CHIA: variants seen among roughly 807,000 people sequenced by gnomAD.
CHIA encodes acidic mammalian chitinase.
Under a neutral mutation model 53.5 loss-of-function variants are expected in CHIA, and 47 were observed. The observed-to-expected ratio is 0.88, with a 90% CI of 0.70 to 1.12. The LOEUF is 1.12. Among genes scored for constraint, CHIA ranks in the 50% most tolerant of loss-of-function variants. CHIA has a pLI of 0.00. For synonymous variants in CHIA, 268 were observed against 222.2 expected (o/e 1.21, Z -1.83); for missense variants, 652 against 592.2 (o/e 1.10, Z -1.05).
intron 3 of CHIA, 72 bp downstream of exon 3, chr1:111,311,790 C>T (rs372474195): frequency 2.9e-4 from 432 of 1,511,334 alleles, no homozygotes; most frequent in Non-Finnish European, 3.6e-4. Flanking sequence ...GAAAGAGAGC[C>T]GCTGTTTGCT....
chr1:111,315,516 A>C, intron 6 of CHIA, 81 bp downstream of exon 6: 3 of 1,420,766 alleles, frequency 2.1e-6, no homozygotes, highest in Non-Finnish European at 2.8e-6. Flanking sequence ...CTCTAGGGTA[A>C]AACAAAACTT....
chr1:111,307,203 G>A (rs1648253143), intron 1 of CHIA, among the ~76,000 whole-genome samples: 1 of 152,160 alleles, frequency 6.6e-6, no homozygotes, highest in African/African-American at 2.4e-5. Flanking sequence ...TAAAGCATAT[G>A]TTGTTACACA....
intron 10 of CHIA, 21 bp from the exon 11 acceptor site, chr1:111,319,306 T>C (rs766521863): frequency 6.2e-7 from 1 of 1,614,050 alleles, no homozygotes. Flanking sequence ...GTGATTCCTG[T>C]TATCCTCTTT....
chr1:111,303,350 CTT>C (rs1287472239), intron 1 of CHIA, among the ~76,000 whole-genome samples: 1 of 151,800 alleles, frequency 6.6e-6, no homozygotes, highest in Non-Finnish European at 1.5e-5. Flanking sequence ...GCATTATTGT[CTT>C]TCTTTGTGGT....
Position 111,319,329 on chromosome 1 carries a change from T to G in CHIA, c.1038T>G (p.Ala346=). The part of the protein sequence containing the change: ...YDNIKSFDIK[A]QWLKHNKFGG... The stretch of plus-strand genomic sequence containing the variant: ...TGTTATCCTCTTTCTTTAAACAGGC[T>G]CAATGGCTTAAGCACAACAAATTTG... Residue 346 remains alanine (A), a splice_region_variant and synonymous_variant, in exon 11 of 12, where the codon GCT becomes GCG. Coordinates refer to ENST00000369740, the MANE Select transcript of CHIA (RefSeq NM_201653.4). 6.2e-7 allele frequency: 1 copy of G among 1,614,220 alleles called. No homozygotes were observed. The highest frequency in any genetic ancestry group is 8.5e-7 in the Non-Finnish European group (1 of 1,180,044).
chr1:111,293,953 A>G lies in CHIA; in HGVS notation c.-69+3003A>G, dbSNP rs537568230. Reference sequence around the variant, plus strand: ...AAAAATTAGCCAGGCATGGTGGCACATGACTGTGGTCCCAGCTAATCAGGA... The same window carrying G: ...AAAAATTAGCCAGGCATGGTGGCACGTGACTGTGGTCCCAGCTAATCAGGA... On this transcript the variant is annotated intron_variant, in intron 1 of 11. Coordinates refer to ENST00000369740, the MANE Select transcript of CHIA (RefSeq NM_201653.4). Among the ~76,000 whole-genome samples, 325 of 152,246 alleles carry G rather than the reference A, an allele frequency of 2.1e-3. 1 individual carries two copies. Among genetic ancestry groups the G allele is most frequent in the Non-Finnish European group, 3.0e-3 (206 of 68,012 alleles).
In CHIA at chr1:111,318,686, G is replaced by A; in HGVS notation, c.915+8G>A. 1 of 1,609,694 alleles carries A rather than the reference G, an allele frequency of 6.2e-7. No homozygotes were observed. Among genetic ancestry groups the A allele is most frequent in the Non-Finnish European group, 8.5e-7 (1 of 1,177,528 alleles). ...ATCTGGGCTTACTACGAGGTATGTA[G>A]ATTGGACTGAAAAGTGCTCTGTGAA... On this transcript the variant is annotated splice_region_variant and intron_variant, in intron 9 of 11. Transcript: ENST00000369740.
intron 11 of CHIA, among the ~76,000 whole-genome samples, 197 bp downstream of exon 11, chr1:111,319,665 C>A (rs544068499): frequency 1.3e-5 from 2 of 152,172 alleles, no homozygotes; most frequent in Non-Finnish European, 2.9e-5. Context: ...GGAAGCCAGG[C>A]CTAACTGGGT....
chr1:111,312,361 T>C lies in CHIA; in HGVS notation c.227T>C (p.Leu76Pro), dbSNP rs1438776347. Reference protein sequence around the residue: ...ITTIEWNDVTLYQAFNGLKNK... With the variant: ...ITTIEWNDVTPYQAFNGLKNK... ...ACCATCGAATGGAATGATGTGACTC[T>C]CTACCAAGCTTTCAATGGCCTGAAA... Residue 76 changes from leucine (L) to proline (P), a missense_variant, in exon 4 of 12, where the codon CTC becomes CCC. Physicochemically the swap from Leu to Pro is moderately conservative, Grantham distance 98. Coordinates refer to ENST00000369740, the MANE Select transcript of CHIA (RefSeq NM_201653.4). 1.2e-6 allele frequency: 2 copies of C among 1,614,080 alleles called. No homozygotes were observed. Among genetic ancestry groups the C allele is most frequent in the African/African-American group, 2.7e-5 (2 of 74,934 alleles).
At chr1:111,294,461 G>A (rs1292509283) in intron 1 of CHIA, among the ~76,000 whole-genome samples, 2 of 152,138 alleles carry the variant, frequency 1.3e-5, no homozygotes, top group Admixed American at 1.3e-4. Context: ...TTTTGGTGTG[G>A]AATCTTTAGG....
At chr1:111,310,289 G>A (rs1445191871) in intron 1 of CHIA, 111 bp from the exon 2 acceptor site, 9 of 1,254,234 alleles carry the variant, frequency 7.2e-6, no homozygotes, top group Non-Finnish European at 9.6e-6. Context: ...GGTGATGCTG[G>A]TGGTGGGAGG....
At chr1:111,309,490 G>T (rs537268912) in intron 1 of CHIA, among the ~76,000 whole-genome samples, 45 of 152,338 alleles carry the variant, frequency 3.0e-4, no homozygotes, top group Admixed American at 2.5e-3. Context: ...AGATAGAAAA[G>T]ATCTGAGTTG....
rs1419304588 is a variant in CHIA, at chr1:111,318,524, G to C, written c.761G>C (p.Gly254Ala). The change falls in exon 9 of 12, where the codon GGA (glycine) becomes GCA (alanine). Residue 254 changes from glycine (G) to alanine (A), a missense_variant. Physicochemically the swap from Gly to Ala is moderately conservative, Grantham distance 60 (BLOSUM62 0). Transcript: ENST00000369740. ...GTCATGAACTACTGGAAGGACAATGGAGCACCAGCTGAGAAGCTCATCGTT... is the reference window on the plus strand; with the variant it reads ...GTCATGAACTACTGGAAGGACAATGCAGCACCAGCTGAGAAGCTCATCGTT... ...DYVMNYWKDN[G>A]APAEKLIVGF... 2 of 1,614,008 alleles carry C rather than the reference G, an allele frequency of 1.2e-6. No homozygotes were observed. The highest frequency in any genetic ancestry group is 1.7e-6 in the Non-Finnish European group (2 of 1,179,976).
rs1469645954 is a variant in CHIA, at chr1:111,317,974, AC to A, written c.606-8del. 3.7e-6 allele frequency: 6 copies of A among 1,613,790 alleles called. No individual in the cohort carries two copies. Among genetic ancestry groups the A allele is most frequent in the African/African-American group, 1.3e-5 (1 of 74,870 alleles). ...CCATCAGAATGATTTTAAATCCTCC[AC>A]CCCACCTCAGGTACCTGGACTACAT... On this transcript the variant is annotated splice_polypyrimidine_tract_variant and intron_variant, in intron 7 of 11. Coordinates refer to ENST00000369740, the MANE Select transcript of CHIA (RefSeq NM_201653.4).
intron 1 of CHIA, among the ~76,000 whole-genome samples, chr1:111,301,599 G>A (rs902241064): frequency 6.6e-6 from 1 of 151,762 alleles, no homozygotes; most frequent in Non-Finnish European, 1.5e-5. Context: ...CTACTCGGGA[G>A]GCTGAGGCCA....
chr1:111,319,491 C>G, intron 11 of CHIA, 23 bp downstream of exon 11: 1 of 1,611,704 alleles, frequency 6.2e-7, no homozygotes, highest in Non-Finnish European at 8.5e-7. Context: ...GGGGGAATGC[C>G]CAGGTGTATA....
intron 1 of CHIA, among the ~76,000 whole-genome samples, chr1:111,304,610 C>A (rs1465508624): frequency 6.6e-6 from 1 of 152,080 alleles, no homozygotes; most frequent in Non-Finnish European, 1.5e-5. Flanking sequence ...TTTTAAAAAT[C>A]TTATTATTGA....
intron 1 of CHIA, among the ~76,000 whole-genome samples, chr1:111,305,752 G>A (rs892432962): frequency 2.0e-5 from 3 of 152,104 alleles, no homozygotes; most frequent in Non-Finnish European, 4.4e-5. Context: ...CTCAGAATTC[G>A]TTCCTCATTT....
chr1:111,319,426 C>T lies in CHIA; in HGVS notation c.1135C>T (p.Leu379=), dbSNP rs1363560912. 1 of 1,614,178 alleles carries T rather than the reference C, an allele frequency of 6.2e-7. No individual in the cohort carries two copies. The highest frequency in any genetic ancestry group is 8.5e-7 in the Non-Finnish European group (1 of 1,180,024). The change falls in exon 11 of 12, where the codon CTA becomes TTA. Residue 379 remains leucine (L), a synonymous_variant. Coordinates refer to ENST00000369740, the MANE Select transcript of CHIA (RefSeq NM_201653.4). ...TTTCTGCAACCAGGGCAAGTTTCCC[C>T]TAATCTCCACCCTGAAGAAGGCCCT... The part of the protein sequence containing the change: ...GTFCNQGKFP[L]ISTLKKALGL...
Sources: allele counts gnomAD v4.1 joint callset (sites outside exome capture counted in the v4.1 genomes callset), GRCh38; gene constraint gnomAD v4.1.1; transcripts MANE v1.5; gene names NCBI Gene and HGNC (gene_info 2026-07-23, HGNC 2026-07-21).